The following PLCG2 variants were observed in gnomAD, a reference collection of about 807,000 sequenced individuals.
The protein encoded by PLCG2 is 1-phosphatidylinositol 4,5-bisphosphate phosphodiesterase gamma-2.
Under a neutral mutation model 175.6 loss-of-function variants are expected in PLCG2, and 69 were observed. That is an observed-to-expected ratio of 0.39 (90% CI 0.32 to 0.48). PLCG2 has a LOEUF of 0.48. Among genes scored for constraint, PLCG2 ranks in the 20% least tolerant of loss-of-function variants. The pLI, the probability that PLCG2 is intolerant of heterozygous loss-of-function variation, is 0.91. For synonymous variants in PLCG2, 827 were observed against 624.0 expected (o/e 1.33, Z -4.85); for missense variants, 1,798 against 1,650.9 (o/e 1.09, Z -1.54).
At chr16:81,841,269 C>T (rs1396286727) in intron 2 of PLCG2, among the ~76,000 whole-genome samples, 1 of 151,702 alleles carries the variant, frequency 6.6e-6, no homozygotes, top group Non-Finnish European at 1.5e-5. Context: ...TAGAGTCTCA[C>T]TGAGTCGCCT....
intron 1 of PLCG2, 44 bp from the exon 2 acceptor site, chr16:81,785,899 T>C: frequency 1.6e-6 from 2 of 1,225,480 alleles, no homozygotes; most frequent in Non-Finnish European, 2.3e-6. Context: ...ACTAAACCCC[T>C]TTCAGTACTA....
At chr16:81,848,756 TGAA>T (rs1003970852) in intron 2 of PLCG2, among the ~76,000 whole-genome samples, 1 of 152,042 alleles carries the variant, frequency 6.6e-6, no homozygotes, top group Non-Finnish European at 1.5e-5. Context: ...AGCTCAGTGG[TGAA>T]GAAGGGTGTA....
upstream of PLCG2, among the ~76,000 whole-genome samples, chr16:81,774,732 C>T (rs1044627830): frequency 7.9e-5 from 12 of 151,494 alleles, no homozygotes; most frequent in Admixed American, 2.6e-4. Context: ...TTTGAAATAA[C>T]CCTCTAAGGG....
intron 2 of PLCG2, among the ~76,000 whole-genome samples, chr16:81,806,767 A>G (rs1904283109): frequency 1.3e-5 from 2 of 152,020 alleles, no homozygotes; most frequent in Non-Finnish European, 2.9e-5. Flanking sequence ...AGGCTTGGAA[A>G]AGTTGAAGGA....
chr16:81,741,919 A>G (rs765171201), intron 1 of PLCG2, among the ~76,000 whole-genome samples: 2 of 152,198 alleles, frequency 1.3e-5, no homozygotes, highest in Non-Finnish European at 2.9e-5. Context: ...TTTTGAAAAT[A>G]TACAATAAGC....
At chr16:81,925,274 G>A (rs1910216138) in intron 22 of PLCG2, among the ~76,000 whole-genome samples, 1 of 152,184 alleles carries the variant, frequency 6.6e-6, no homozygotes, top group Non-Finnish European at 1.5e-5. Flanking sequence ...GGTGAAACCG[G>A]CTTTTTTGCA....
intron 2 of PLCG2, among the ~76,000 whole-genome samples, chr16:81,824,203 A>G (rs1172646890): frequency 6.8e-6 from 1 of 147,802 alleles, no homozygotes; most frequent in Non-Finnish European, 1.5e-5. Context: ...GCGTGATCTC[A>G]GCTCACCGCA....
chr16:81,796,117 C>G (rs1218071214), intron 2 of PLCG2, among the ~76,000 whole-genome samples: 3 of 152,182 alleles, frequency 2.0e-5, no homozygotes, highest in African/African-American at 7.2e-5. Flanking sequence ...CATCGCTGGG[C>G]TGCATGGAAA....
At chr16:81,844,215 T>G (rs192019529) in intron 2 of PLCG2, among the ~76,000 whole-genome samples, 1 of 149,732 alleles carries the variant, frequency 6.7e-6, no homozygotes, top group Non-Finnish European at 1.5e-5. Context: ...GGATGGTCTC[T>G]ATCTCCTGAC....
chr16:81,924,804 A>ACCG (rs1910196275), intron 22 of PLCG2, among the ~76,000 whole-genome samples: 1 of 152,174 alleles, frequency 6.6e-6, no homozygotes, highest in Non-Finnish European at 1.5e-5. Flanking sequence ...TGCTGTTCCT[A>ACCG]CTGCAGCCTC....
chr16:81,834,177 T>C (rs946330796), intron 2 of PLCG2, among the ~76,000 whole-genome samples: 8 of 152,092 alleles, frequency 5.3e-5, no homozygotes, highest in African/African-American at 1.9e-4. Flanking sequence ...CTCTGGAAAA[T>C]GGGGCTTTCT....
chr16:81,958,628 T>C lies in PLCG2; in HGVS notation c.*630T>C. On this transcript the variant is annotated 3_prime_UTR_variant, in exon 33 of 33. Coordinates refer to ENST00000564138, the MANE Select transcript of PLCG2 (RefSeq NM_002661.5). ...TAATGGTGACAGCTTGTTTTGTGAC[T>C]AGAGTTACTGGGATGGAGGGTAGGA... 1 of 225,336 alleles carries C rather than the reference T, an allele frequency of 4.4e-6. No homozygotes were observed. The highest frequency in any genetic ancestry group is 8.8e-6 in the Non-Finnish European group (1 of 113,096). 14.0% of individuals were successfully genotyped at this position (225,336 alleles called of 1,614,324 possible).
chr16:81,766,397 A>T (rs190726719), intron 2 of PLCG2, among the ~76,000 whole-genome samples: 9 of 152,158 alleles, frequency 5.9e-5, no homozygotes, highest in African/African-American at 2.2e-4. Context: ...CTCAAAAGCA[A>T]TCAGGCCTCT....
chr16:81,882,307 C>G (rs533139528), intron 8 of PLCG2, among the ~76,000 whole-genome samples: 1 of 152,220 alleles, frequency 6.6e-6, no homozygotes, highest in African/African-American at 2.4e-5. Flanking sequence ...GTAGTGTTCC[C>G]TAGTGTTCCC....
intron 16 of PLCG2, 38 bp from the exon 17 acceptor site, chr16:81,908,378 C>T: frequency 6.3e-7 from 1 of 1,590,096 alleles, no homozygotes; most frequent in Middle Eastern, 1.7e-4. Flanking sequence ...GGGTTTGGTC[C>T]AAGGCTTTCA....
intron 31 of PLCG2, among the ~76,000 whole-genome samples, chr16:81,947,413 G>A (rs138358558): frequency 2.6e-5 from 4 of 152,258 alleles, no homozygotes; most frequent in Non-Finnish European, 5.9e-5. Flanking sequence ...GGTGCAGCTC[G>A]GCATTTCTGT....
intron 9 of PLCG2, among the ~76,000 whole-genome samples, chr16:81,883,907 C>T (rs1407676255): frequency 1.3e-5 from 2 of 152,216 alleles, no homozygotes; most frequent in East Asian, 1.9e-4. Flanking sequence ...ACTGCTGTGA[C>T]GATGCCCCCA....
At chr16:81,743,544 A>T (rs551609770) in intron 1 of PLCG2, among the ~76,000 whole-genome samples, 13 of 152,298 alleles carry the variant, frequency 8.5e-5, no homozygotes, top group African/African-American at 2.9e-4. Flanking sequence ...GGGGAGTGAA[A>T]GGGGTGAGGT....
At chr16:81,776,976 G>C (rs1910423499), upstream of PLCG2, among the ~76,000 whole-genome samples, 1 of 152,116 alleles carries the variant, frequency 6.6e-6, no homozygotes, top group African/African-American at 2.4e-5. Flanking sequence ...TGGGCTAGGG[G>C]TTGGTTAGCA....
Sources: gnomAD v4.1 joint callset for allele counts (sites outside exome capture counted in the v4.1 genomes callset) on GRCh38, gnomAD v4.1.1 for gene constraint, MANE v1.5 for transcripts, NCBI Gene and HGNC (gene_info 2026-07-23, HGNC 2026-07-21) for gene names.